Variants in SUOX observed in about 807,000 individuals in gnomAD.
The protein encoded by SUOX is sulfite oxidase.
A neutral mutation model predicts 41.9 loss-of-function variants in SUOX; 39 were observed. The ratio of observed to expected loss-of-function variants is 0.93; its 90% CI spans 0.72 to 1.21. The LOEUF (loss-of-function observed/expected upper bound fraction) is 1.21, where lower values mean the gene tolerates loss of function less well. SUOX is among the 50% of genes most tolerant of loss of function. SUOX has a pLI of 0.00. For synonymous variants in SUOX, 220 were observed against 268.4 expected (o/e 0.82, Z 1.76); for missense variants, 633 against 689.5 (o/e 0.92, Z 0.92).
intron 2 of SUOX, chr12:56,001,966 A>G: frequency 7.3e-7 from 1 of 1,375,230 alleles, no homozygotes; most frequent in African/African-American, 1.5e-5. Flanking sequence ...TGATTCTAGA[A>G]GCACCCATCC....
chr12:56,000,947 AT>A (rs993463495), intron 2 of SUOX, among the ~76,000 whole-genome samples: 31 of 145,192 alleles, frequency 2.1e-4, no homozygotes, highest in Non-Finnish European at 3.2e-4. Flanking sequence ...AGCCCGGCTA[AT>A]TTTTTTTTTT....
chr12:56,003,559 C>A, intron 4 of SUOX, 59 bp from the exon 5 acceptor site: 1 of 1,558,388 alleles, frequency 6.4e-7, no homozygotes, highest in Non-Finnish European at 8.8e-7. Context: ...CCACGCCCGA[C>A]CAAGTGATTT....
chr12:56,004,670 G>T lies in SUOX; in HGVS notation c.1281G>T (p.Ser427=), dbSNP rs773115. ...CCATTCAGGAACTTCCTGTCCAGTCGGCCATCACAGAGCCCCGGGATGGAG... is the reference window on the plus strand; with the variant it reads ...CCATTCAGGAACTTCCTGTCCAGTCTGCCATCACAGAGCCCCGGGATGGAG... ...APSIQELPVQ[S]AITEPRDGET... Residue 427 remains serine (S), a synonymous_variant, in exon 5 of 5, where the codon TCG becomes TCT. Coordinates refer to ENST00000266971, the MANE Select transcript of SUOX (RefSeq NM_001032386.2). The surrounding 1 kb of genome is among the most constrained non-coding windows in gnomAD (Gnocchi z 4.5). The T allele has an allele frequency of 1.7e-3, 2,759 of 1,613,998 alleles. 70 individuals are homozygous for T. In the East Asian group the frequency reaches 0.053, roughly 31 times the overall value.
At chr12:56,001,939 TG>T in intron 2 of SUOX, 1 of 1,326,192 alleles carries the variant, frequency 7.5e-7, no homozygotes, top group Non-Finnish European at 9.7e-7. Flanking sequence ...GAATGGAAGA[TG>T]GGAGAAAGGT....
chr12:56,002,836 A>G, intron 4 of SUOX, 116 bp downstream of exon 4: 1 of 1,245,390 alleles, frequency 8.0e-7, no homozygotes, highest in Non-Finnish European at 1.1e-6. Context: ...GGAGTTTGAG[A>G]CCAGCCTGGG....
At position 56,003,736 on chromosome 12, in the gene SUOX, A is replaced by G. The variant is rs544769931; in HGVS notation, c.347A>G (p.Asp116Gly). 2.5e-6 allele frequency: 4 copies of G among 1,612,902 alleles called. No homozygotes were observed. In the African/African-American group the frequency reaches 4.0e-5, roughly 16 times the overall value. ...GTCTTTGATGTCACAGAATTTGTGG[A>G]CCTACATCCAGGGGGGCCTTCAAAG... ...SEVFDVTEFV[D>G]LHPGGPSKLM... The change falls in exon 5 of 5, where the codon GAC becomes GGC. Residue 116 changes from aspartate (D) to glycine (G), a missense_variant. Asp to Gly is a moderately conservative substitution (Grantham distance 94). Coordinates refer to ENST00000266971, the MANE Select transcript of SUOX (RefSeq NM_001032386.2).
At chr12:56,001,812 C>T in intron 2 of SUOX, 1 of 634,612 alleles carries the variant, frequency 1.6e-6, no homozygotes, top group Non-Finnish European at 2.1e-6. Context: ...TTAAGTCAGT[C>T]TGACCCACAG....
chr12:56,005,209 T>A lies in SUOX; in HGVS notation c.*182T>A. On this transcript the variant is annotated 3_prime_UTR_variant, in exon 5 of 5. Transcript: ENST00000266971. Reference sequence around the variant, plus strand: ...CTTTGGACACTATGTTACATACCCCTCTTGGCCTTTGAACCTGTGCCAGGA... The same window carrying A: ...CTTTGGACACTATGTTACATACCCCACTTGGCCTTTGAACCTGTGCCAGGA... 1 of 689,244 alleles carries A rather than the reference T, an allele frequency of 1.5e-6. No homozygotes were observed. Among genetic ancestry groups the A allele is most frequent in the South Asian group, 1.7e-5 (1 of 58,256 alleles). 42.7% of individuals were successfully genotyped at this position (689,244 alleles called of 1,614,324 possible).
intron 4 of SUOX, 177 bp downstream of exon 4, chr12:56,002,897 C>T: frequency 1.6e-6 from 1 of 633,410 alleles, no homozygotes; most frequent in Non-Finnish European, 2.8e-6. Context: ...TGTGGTGGTA[C>T]ATACCTGTAA....
Position 56,005,139 on chromosome 12 carries a change from A to G in SUOX, c.*112A>G. ...ATCACAACTCTGGCCTTCCTAAGCC[A>G]TACCCAAGTACACATATAGCACATT... is the stretch of plus-strand genomic sequence containing the variant. On this transcript the variant is annotated 3_prime_UTR_variant, in exon 5 of 5. Coordinates refer to ENST00000266971, the MANE Select transcript of SUOX (RefSeq NM_001032386.2). The G allele has an allele frequency of 1.6e-6, 2 of 1,235,442 alleles. No homozygotes were observed. Among genetic ancestry groups the G allele is most frequent in the Non-Finnish European group, 2.3e-6 (2 of 856,904 alleles). 76.5% of individuals were successfully genotyped at this position (1,235,442 alleles called of 1,614,324 possible). A position where few individuals can be genotyped will look rare whatever the true frequency, so the allele number is the denominator to read the frequency against.
rs549985699 is a variant in SUOX, at chr12:56,002,612, C to T, written c.120C>T (p.Arg40=). 3 of 1,614,104 alleles carry T rather than the reference C, an allele frequency of 1.9e-6. No individual in the cohort carries two copies. The highest frequency in any genetic ancestry group is 3.3e-4 in the Middle Eastern group (2 of 6,062). Residue 40 remains arginine, a synonymous_variant, in exon 4 of 5, where the codon CGC becomes CGT. Transcript: ENST00000266971. ...CSTNDSFQPQ[R]PSLTFSGDNS... is the part of the protein sequence containing the mutation. ...CAAATGATTCATTTCAGCCCCAGCG[C>T]CCCAGCCTCACCTTCTCTGGTGATA...
At position 56,001,064 on chromosome 12, in the gene SUOX, C is replaced by T. The variant is rs1271353861; in HGVS notation, c.-10-1148C>T. 4.7e-5 allele frequency among the ~76,000 whole-genome samples: 7 copies of T among 150,148 alleles called. No individual in the cohort carries two copies. In the South Asian group the frequency reaches 8.4e-4, roughly 18 times the overall value. On this transcript the variant is annotated intron_variant, in intron 2 of 4. Transcript: ENST00000266971. ...CCTCCCAAAGTGCTGGGATTACAGG[C>T]GTAAGCCACTGCGCCGGGCTAATTT...
intron 2 of SUOX, among the ~76,000 whole-genome samples, chr12:55,998,588 TA>T (rs1181408891): frequency 6.6e-6 from 1 of 152,048 alleles, no homozygotes; most frequent in Non-Finnish European, 1.5e-5. Context: ...CTCATGCCTG[TA>T]ATCCCAGCAC....
rs569422582 is a variant in SUOX at position 56,005,396 on chromosome 12, G to A, written c.*369G>A. 71 of 571,168 alleles carry A rather than the reference G, an allele frequency of 1.2e-4. 1 individual carries two copies. In the East Asian group the frequency reaches 1.9e-3, roughly 15 times the overall value. 35.4% of individuals were successfully genotyped at this position (571,168 alleles called of 1,614,324 possible). Reference sequence around the variant, plus strand: ...GTTCAGAGAAATGTGTGTGGCATGTGTAAGAAAAGTGTATATACTATCTTA... The same window carrying A: ...GTTCAGAGAAATGTGTGTGGCATGTATAAGAAAAGTGTATATACTATCTTA... On this transcript the variant is annotated 3_prime_UTR_variant, in exon 5 of 5. Transcript: ENST00000266971.
chr12:56,003,578 T>C, intron 4 of SUOX, 40 bp from the exon 5 acceptor site: 1 of 1,594,718 alleles, frequency 6.3e-7, no homozygotes, highest in Non-Finnish European at 8.6e-7. Flanking sequence ...TTCTTCTTAA[T>C]AGTCTCTTCC....
chr12:56,004,303 C>G lies in SUOX; in HGVS notation c.914C>G (p.Ala305Gly). The G allele has an allele frequency of 6.2e-7, 1 of 1,614,088 alleles. No individual in the cohort carries two copies. Among genetic ancestry groups the G allele is most frequent in the Non-Finnish European group, 8.5e-7 (1 of 1,180,000 alleles). The part of the protein sequence containing the change: ...GARLCDVLAQ[A>G]GHQLCETEAH... Reference sequence around the variant, plus strand: ...CGGCTCTGTGATGTGTTAGCCCAGGCTGGCCACCAACTCTGTGAAACTGAG... The same window carrying G: ...CGGCTCTGTGATGTGTTAGCCCAGGGTGGCCACCAACTCTGTGAAACTGAG... Residue 305 changes from alanine (A) to glycine (G), a missense_variant, in exon 5 of 5, where the codon GCT becomes GGT. Physicochemically the swap from Ala to Gly is moderately conservative, Grantham distance 60. Transcript: ENST00000266971. The surrounding 1 kb of genome is among the most constrained non-coding windows in gnomAD (Gnocchi z 4.5).
At chr12:56,003,550 C>T (rs1316814295) in intron 4 of SUOX, 68 bp from the exon 5 acceptor site, 1 of 1,510,454 alleles carries the variant, frequency 6.6e-7, no homozygotes, top group Non-Finnish European at 9.2e-7. Flanking sequence ...TGTGAGTCAC[C>T]ACGCCCGACC....
chr12:56,000,284 G>A (rs1415837878), intron 2 of SUOX, among the ~76,000 whole-genome samples: 1 of 152,244 alleles, frequency 6.6e-6, no homozygotes, highest in East Asian at 1.9e-4. Flanking sequence ...CCCGAGCCCT[G>A]CCCCGCGGGG....
chr12:55,998,437 C>T (rs1890387791), intron 2 of SUOX, among the ~76,000 whole-genome samples: 1 of 151,416 alleles, frequency 6.6e-6, no homozygotes, highest in Non-Finnish European at 1.5e-5. Context: ...GTCCCCGCTA[C>T]TCAGGAGGTT....
Sources: allele counts gnomAD v4.1 joint callset (sites outside exome capture counted in the v4.1 genomes callset), GRCh38; gene constraint gnomAD v4.1.1; non-coding constraint Gnocchi (gnomAD v3.1); transcripts MANE v1.5; gene names NCBI Gene and HGNC (gene_info 2026-07-23, HGNC 2026-07-21).